SRFBP1: variants seen among roughly 807,000 people sequenced by gnomAD.
SRFBP1 encodes serum response factor binding protein 1.
SRFBP1 carries 47 observed loss-of-function variants against 45.5 expected under a neutral mutation model. The ratio of observed to expected loss-of-function variants is 1.03; its 90% CI spans 0.82 to 1.32. The LOEUF (loss-of-function observed/expected upper bound fraction) is 1.32. Ranked by LOEUF, SRFBP1 falls within the 40% of genes most tolerant of loss-of-function variation. SRFBP1 has a pLI of 0.00. For missense variants in SRFBP1, 621 were observed against 484.6 expected, an observed-to-expected ratio of 1.28 and a Z score of -2.64; for synonymous variants, 203 against 166.3, an observed-to-expected ratio of 1.22 and a Z score of -1.70.
Position 122,027,758 on chromosome 5 carries a change from T to C in SRFBP1, c.*632T>C, listed in dbSNP as rs1217026593. Reference sequence around the variant, plus strand: ...GTACAGATAAATATTAATTTTATTATAGTTTTAAGTACTTGTGATCATGTA... The same window carrying C: ...GTACAGATAAATATTAATTTTATTACAGTTTTAAGTACTTGTGATCATGTA... On this transcript the variant is annotated 3_prime_UTR_variant, in exon 8 of 8. Coordinates refer to ENST00000339397, the MANE Select transcript of SRFBP1 (RefSeq NM_152546.3). 3 of 152,158 alleles carry C rather than the reference T, an allele frequency of 2.0e-5. No homozygotes were observed. The highest frequency in any genetic ancestry group is 1.3e-4 in the Admixed American group (2 of 15,280). 9.4% of individuals were successfully genotyped at this position (152,158 alleles called of 1,614,324 possible). A position where few individuals can be genotyped will look rare whatever the true frequency, so the allele number is the denominator to read the frequency against.
At chr5:121,987,235 A>T (rs564884170) in intron 3 of SRFBP1, among the ~76,000 whole-genome samples, 1 of 151,614 alleles carries the variant, frequency 6.6e-6, no homozygotes, top group Non-Finnish European at 1.5e-5. Context: ...GGAGCATAAC[A>T]GAAGCATAGT....
At chr5:122,024,993 A>G (rs995966028) in intron 7 of SRFBP1, among the ~76,000 whole-genome samples, 2 of 152,102 alleles carry the variant, frequency 1.3e-5, no homozygotes, top group East Asian at 1.9e-4. Context: ...TAAGTTTTAG[A>G]GTACATGTGC....
intron 1 of SRFBP1, among the ~76,000 whole-genome samples, chr5:121,967,725 C>T (rs1752102233): frequency 1.3e-5 from 2 of 152,126 alleles, no homozygotes; most frequent in African/African-American, 4.8e-5. Context: ...GTCCCAGCTA[C>T]TTGGGAGGCT....
At chr5:122,068,174 TAA>T (rs10650287) in intron 2 of SRFBP1, among the ~76,000 whole-genome samples, 1 of 115,876 alleles carries the variant, frequency 8.6e-6, no homozygotes. Flanking sequence ...TAATAACTAG[TAA>T]AAAAAAAAAA....
At chr5:121,975,482 C>T (rs1161178288) in intron 3 of SRFBP1, 95 bp downstream of exon 3, 3 of 1,327,860 alleles carry the variant, frequency 2.3e-6, no homozygotes, top group East Asian at 4.7e-5. Context: ...TTGAATATTC[C>T]CGAGAGTTGC....
At chr5:121,967,369 A>C (rs1752094543) in intron 1 of SRFBP1, among the ~76,000 whole-genome samples, 1 of 152,180 alleles carries the variant, frequency 6.6e-6, no homozygotes, top group South Asian at 2.1e-4. Context: ...TTTAGTTATT[A>C]AACTATTCTG....
At chr5:122,033,355 TTC>T (rs1309878166), downstream of SRFBP1, among the ~76,000 whole-genome samples, 1 of 152,180 alleles carries the variant, frequency 6.6e-6, no homozygotes, top group African/African-American at 2.4e-5. Flanking sequence ...ATGCATGAGT[TTC>T]TCTTTTTATT....
chr5:122,020,856 T>C, intron 6 of SRFBP1, 54 bp downstream of exon 6: 2 of 1,415,944 alleles, frequency 1.4e-6, no homozygotes, highest in Non-Finnish European at 1.9e-6. Context: ...TAAAAAGCTA[T>C]AAATGTCTAC....
At chr5:122,075,906 C>T (rs2979862), downstream of SRFBP1, 22,177 of 154,876 alleles carry the variant, frequency 0.14, 1,751 homozygotes, top group Non-Finnish European at 0.17. Context: ...TGGAAATAAT[C>T]CCCCAATAAA....
intron 4 of SRFBP1, among the ~76,000 whole-genome samples, chr5:121,997,029 G>T (rs1273903989): frequency 9.6e-6 from 1 of 104,652 alleles, no homozygotes; most frequent in African/African-American, 4.2e-5. Flanking sequence ...ACAAACAAAT[G>T]GAAGAACATT....
chr5:122,010,763 G>A (rs951650575), intron 4 of SRFBP1, among the ~76,000 whole-genome samples: 5 of 152,016 alleles, frequency 3.3e-5, no homozygotes, highest in Admixed American at 6.6e-5. Context: ...TATATGACCA[G>A]TTTTCAGTGT....
intron 3 of SRFBP1, among the ~76,000 whole-genome samples, chr5:121,985,115 A>G (rs1481942818): frequency 2.0e-5 from 3 of 151,846 alleles, no homozygotes; most frequent in Non-Finnish European, 4.4e-5. Flanking sequence ...TGCCTTTGAG[A>G]AGCTTAAAGT....
chr5:121,968,828 A>T (rs1170523121), intron 1 of SRFBP1, among the ~76,000 whole-genome samples: 1 of 152,198 alleles, frequency 6.6e-6, no homozygotes, highest in Admixed American at 6.5e-5. Context: ...TACTAATCTG[A>T]TAGGTAATTA....
chr5:121,980,656 T>C (rs1245906690), intron 3 of SRFBP1, among the ~76,000 whole-genome samples: 1 of 152,152 alleles, frequency 6.6e-6, no homozygotes, highest in Non-Finnish European at 1.5e-5. Context: ...AATTTTGGAC[T>C]GTACCCTGGA....
At position 122,005,076 on chromosome 5, in the gene SRFBP1, G is replaced by C. The variant is rs895147156; in HGVS notation, c.270+10406G>C. Reference sequence around the variant, plus strand: ...AATTTTGTGGCCCAGCATATCATCTGTTTGGGAGAATGTTCCTTGTGTTCT... The same window carrying C: ...AATTTTGTGGCCCAGCATATCATCTCTTTGGGAGAATGTTCCTTGTGTTCT... On this transcript the variant is annotated intron_variant, in intron 4 of 7. Transcript: ENST00000339397. Among the ~76,000 whole-genome samples the C allele has an allele frequency of 3.3e-5, 5 of 152,214 alleles. No individual in the cohort carries two copies. The East Asian group carries it at 9.6e-4, about 29-fold the overall frequency.
chr5:122,032,128 T>A (rs1753598113), downstream of SRFBP1, among the ~76,000 whole-genome samples: 1 of 152,176 alleles, frequency 6.6e-6, no homozygotes, highest in Non-Finnish European at 1.5e-5. Flanking sequence ...GAATCATATC[T>A]CAATTTAAAA....
At chr5:121,993,968 C>T (rs560010927) in intron 3 of SRFBP1, among the ~76,000 whole-genome samples, 1 of 152,050 alleles carries the variant, frequency 6.6e-6, no homozygotes, top group East Asian at 1.9e-4. Flanking sequence ...CCTACTGTTA[C>T]TGTACTTTCT....
Position 122,027,101 on chromosome 5 carries a change from G to C in SRFBP1, c.1265G>C (p.Gly422Ala). ...CAATCTAATATTGCTGTGTTTCAGG[G>C]GAAAAAAATTACGTTTGATGATTGA... The part of the protein sequence containing the change: ...EQQSNIAVFQ[G>A]KKITFDD Residue 422 changes from glycine to alanine, a missense_variant, in exon 8 of 8, where the codon GGG becomes GCG. Transcript: ENST00000339397. The C allele has an allele frequency of 1.2e-6, 2 of 1,601,582 alleles. No homozygotes were observed. The highest frequency in any genetic ancestry group is 2.3e-5 in the South Asian group (2 of 87,820).
intron 4 of SRFBP1, among the ~76,000 whole-genome samples, chr5:121,998,774 A>G (rs979598581): frequency 6.6e-6 from 1 of 152,212 alleles, no homozygotes; most frequent in Non-Finnish European, 1.5e-5. Context: ...CTCTTTTTAC[A>G]AATGAGGAAA....
Sources: gnomAD v4.1 joint callset for allele counts (sites outside exome capture counted in the v4.1 genomes callset) on GRCh38, gnomAD v4.1.1 for gene constraint, MANE v1.5 for transcripts, NCBI Gene and HGNC (gene_info 2026-07-23, HGNC 2026-07-21) for gene names.